The following NEGR1 variants were observed in gnomAD, a reference collection of about 807,000 sequenced individuals.
The protein encoded by NEGR1 is IgLON family member 4.
NEGR1 carries 10 observed loss-of-function variants against 40.9 expected under a neutral mutation model. The observed-to-expected ratio is 0.24, with a 90% confidence interval of 0.15 to 0.42. The LOEUF is 0.42. NEGR1 is among the 10% of genes least tolerant of loss of function. The pLI, the probability that NEGR1 is intolerant of heterozygous loss-of-function variation, is 1.00. For missense variants in NEGR1, 352 were observed against 438.9 expected (o/e 0.80, Z 1.77); for synonymous variants, 185 against 166.8 (o/e 1.11, Z -0.84).
chr1:72,116,798 CTA>C (rs1427008863), intron 1 of NEGR1, among the ~76,000 whole-genome samples: 1 of 151,660 alleles, frequency 6.6e-6, no homozygotes, highest in Non-Finnish European at 1.5e-5. Context: ...TTATTTTCAT[CTA>C]TTTCTTTAGA....
intron 6 of NEGR1, among the ~76,000 whole-genome samples, chr1:71,564,643 A>G (rs1236125007): frequency 3.3e-5 from 5 of 152,118 alleles, no homozygotes; most frequent in African/African-American, 7.2e-5. Flanking sequence ...TTTTGTTGAT[A>G]GTTCAAAGAA....
chr1:71,618,234 C>T (rs775119120), intron 4 of NEGR1, among the ~76,000 whole-genome samples: 1 of 152,090 alleles, frequency 6.6e-6, no homozygotes, highest in Non-Finnish European at 1.5e-5. Flanking sequence ...CAAAAGACAC[C>T]CGAACTAGGA....
chr1:72,008,248 A>T (rs773207870), intron 1 of NEGR1, among the ~76,000 whole-genome samples: 2 of 152,136 alleles, frequency 1.3e-5, no homozygotes, highest in African/African-American at 2.4e-5. Flanking sequence ...TAATAAGTAG[A>T]TTAATCAAAG....
intron 6 of NEGR1, among the ~76,000 whole-genome samples, chr1:71,535,760 G>T (rs1286591469): frequency 6.6e-6 from 1 of 151,692 alleles, no homozygotes; most frequent in African/African-American, 2.4e-5. Context: ...CAGTCAGCTA[G>T]ATTCCTTGAT....
intron 6 of NEGR1, among the ~76,000 whole-genome samples, chr1:71,491,022 G>A (rs1646924167): frequency 6.6e-6 from 1 of 151,878 alleles, no homozygotes; most frequent in Admixed American, 6.6e-5. Flanking sequence ...ACCATGACAA[G>A]TGCTCACGTA....
At chr1:72,061,699 C>A (rs1225509275) in intron 1 of NEGR1, among the ~76,000 whole-genome samples, 3 of 151,726 alleles carry the variant, frequency 2.0e-5, no homozygotes, top group Non-Finnish European at 2.9e-5. Flanking sequence ...AAAATATTCT[C>A]ACAGAAATTT....
At chr1:72,215,418 G>A (rs1346624910) in intron 1 of NEGR1, among the ~76,000 whole-genome samples, 1 of 152,082 alleles carries the variant, frequency 6.6e-6, no homozygotes, top group Non-Finnish European at 1.5e-5. Flanking sequence ...TATTATCAGA[G>A]TGGACAGGCA....
At chr1:72,047,306 T>A (rs1298342039) in intron 1 of NEGR1, among the ~76,000 whole-genome samples, 2 of 151,422 alleles carry the variant, frequency 1.3e-5, no homozygotes, top group Admixed American at 6.6e-5. Context: ...GAGTCTCCTG[T>A]CATGCAGCAT....
intron 2 of NEGR1, among the ~76,000 whole-genome samples, chr1:71,782,301 C>T (rs1557650554): frequency 6.6e-6 from 1 of 152,118 alleles, no homozygotes; most frequent in Non-Finnish European, 1.5e-5. Flanking sequence ...TTGGACTTCC[C>T]AGCCTCCAGA....
At chr1:71,494,698 T>G (rs1646950641) in intron 6 of NEGR1, among the ~76,000 whole-genome samples, 1 of 152,160 alleles carries the variant, frequency 6.6e-6, no homozygotes, top group Admixed American at 6.5e-5. Flanking sequence ...AGGACCGTCT[T>G]GTGGGGAGAA....
intron 2 of NEGR1, among the ~76,000 whole-genome samples, chr1:71,828,912 G>A (rs1448393092): frequency 1.3e-5 from 2 of 151,970 alleles, no homozygotes; most frequent in Non-Finnish European, 2.9e-5. Context: ...GCTGAGGGCA[G>A]AGAGTCAAGG....
intron 4 of NEGR1, among the ~76,000 whole-genome samples, chr1:71,658,114 CATATCT>C (rs1651934919): frequency 6.6e-6 from 1 of 152,160 alleles, no homozygotes; most frequent in Non-Finnish European, 1.5e-5. Context: ...ATATCATAAG[CATATCT>C]GTATTATGTT....
chr1:71,496,096 A>G (rs1048606732), intron 6 of NEGR1, among the ~76,000 whole-genome samples: 7 of 152,022 alleles, frequency 4.6e-5, no homozygotes, highest in Admixed American at 1.3e-4. Context: ...TTTTAATTAT[A>G]TTTTTTCCTA....
chr1:71,868,468 C>T (rs371474220), intron 2 of NEGR1, among the ~76,000 whole-genome samples: 1,007 of 76,642 alleles, frequency 0.013, 10 homozygotes, highest in African/African-American at 0.049. Context: ...GATAGATAGA[C>T]AGAATACATA....
chr1:71,776,142 A>G (rs776445662), intron 3 of NEGR1, 30 bp downstream of exon 3: 2 of 1,580,166 alleles, frequency 1.3e-6, no homozygotes, highest in East Asian at 2.3e-5. Flanking sequence ...AATGAACAGC[A>G]CAAACAACAC....
chr1:71,840,988 G>A (rs896029510), intron 2 of NEGR1, among the ~76,000 whole-genome samples: 2 of 152,070 alleles, frequency 1.3e-5, no homozygotes, highest in African/African-American at 4.8e-5. Context: ...TGAGTCTCCA[G>A]CCTAGCAGGC....
chr1:71,721,326 A>G (rs1654503755), intron 3 of NEGR1, among the ~76,000 whole-genome samples: 1 of 152,148 alleles, frequency 6.6e-6, no homozygotes, highest in Non-Finnish European at 1.5e-5. Flanking sequence ...AACAAGTTAT[A>G]TAGAATGTTT....
At chr1:71,716,641 A>G (rs940512214) in intron 3 of NEGR1, among the ~76,000 whole-genome samples, 5 of 152,194 alleles carry the variant, frequency 3.3e-5, no homozygotes, top group African/African-American at 4.8e-5. Flanking sequence ...GAGCCAGAAA[A>G]GCAGTTTAAT....
At chr1:71,425,386 T>A (rs1646422382) in intron 6 of NEGR1, among the ~76,000 whole-genome samples, 1 of 152,168 alleles carries the variant, frequency 6.6e-6, no homozygotes, top group African/African-American at 2.4e-5. Context: ...CATTATATAA[T>A]CCTAAGCTAT....
Sources: gnomAD v4.1 joint callset for allele counts (sites outside exome capture counted in the v4.1 genomes callset) on GRCh38, gnomAD v4.1.1 for gene constraint, MANE v1.5 for transcripts, NCBI Gene and HGNC (gene_info 2026-07-23, HGNC 2026-07-21) for gene names.